Variants in ANKRD44 observed in about 807,000 individuals in gnomAD.
ANKRD44 encodes ankyrin repeat domain 44.
Under a neutral mutation model 116.0 loss-of-function variants are expected in ANKRD44, and 35 were observed. The observed-to-expected ratio is 0.30, with a 90% CI of 0.23 to 0.40. ANKRD44 has a LOEUF of 0.40. Ranked by LOEUF, ANKRD44 falls within the 10% of genes least tolerant of loss-of-function variation. The pLI is 1.00. For missense variants in ANKRD44, 1,014 were observed against 1,242.6 expected (o/e 0.82, Z 2.77); for synonymous variants, 435 against 461.8 (o/e 0.94, Z 0.74).
At chr2:197,196,566 A>C (rs1293337562) in intron 1 of ANKRD44, among the ~76,000 whole-genome samples, 1 of 152,252 alleles carries the variant, frequency 6.6e-6, no homozygotes, top group East Asian at 1.9e-4. Context: ...AAAAACAACA[A>C]CAAAATCAGC....
At chr2:196,985,963 A>G (rs2075833938), downstream of ANKRD44, among the ~76,000 whole-genome samples, 2 of 152,216 alleles carry the variant, frequency 1.3e-5, no homozygotes, top group Non-Finnish European at 1.5e-5. Context: ...TGACAATACC[A>G]AAGTTAGGCA....
chr2:197,231,605 T>C (rs1008157475), intron 1 of ANKRD44, among the ~76,000 whole-genome samples: 3 of 151,774 alleles, frequency 2.0e-5, no homozygotes, highest in Non-Finnish European at 4.4e-5. Flanking sequence ...TCTAAAGATA[T>C]CTTTGATTGT....
intron 1 of ANKRD44, chr2:197,199,016 C>G (rs906228249): frequency 1.3e-5 from 2 of 152,174 alleles, no homozygotes; most frequent in African/African-American, 4.8e-5. Flanking sequence ...ATGCAAGCTC[C>G]TTCTCTCTTG....
At chr2:197,252,499 C>T (rs1438688868) in intron 1 of ANKRD44, among the ~76,000 whole-genome samples, 2 of 152,086 alleles carry the variant, frequency 1.3e-5, no homozygotes, top group African/African-American at 2.4e-5. Context: ...CTCCGCCTCC[C>T]GGGTTCACGC....
At chr2:196,978,272 C>A (rs997964005) in intron 21 of ANKRD44, among the ~76,000 whole-genome samples, 4 of 131,858 alleles carry the variant, frequency 3.0e-5, no homozygotes, top group Non-Finnish European at 5.2e-5. Flanking sequence ...TCTCCCCTCT[C>A]TCTCCTGCTC....
intron 4 of ANKRD44, among the ~76,000 whole-genome samples, chr2:197,129,017 G>T (rs1179398998): frequency 6.6e-6 from 1 of 151,948 alleles, no homozygotes; most frequent in Non-Finnish European, 1.5e-5. Flanking sequence ...TTATCAAATT[G>T]CCCTAAAAGT....
At chr2:197,262,879 TG>T (rs5837537) in intron 1 of ANKRD44, among the ~76,000 whole-genome samples, 125,395 of 151,966 alleles carry the variant, frequency 0.83, 51,864 homozygotes, top group South Asian at 0.9. Context: ...CACTCCAGCC[TG>T]GGAAACACAG....
At chr2:197,086,589 G>T in intron 13 of ANKRD44, 91 bp downstream of exon 13, 1 of 1,280,994 alleles carries the variant, frequency 7.8e-7, no homozygotes, top group Non-Finnish European at 1.1e-6. Flanking sequence ...TAACTTCCCG[G>T]TTTACCATTT....
rs775432519 is a variant in ANKRD44, at chr2:197,122,660, A to G, written c.683T>C (p.Leu228Pro). Residue 228 changes from leucine to proline, a missense_variant, in exon 7 of 28, where the codon CTG becomes CCG. By Grantham distance (98) the Leu-to-Pro change is moderately conservative (BLOSUM62 -3). Coordinates refer to ENST00000282272, the MANE Select transcript of ANKRD44 (RefSeq NM_001195144.2). The stretch of plus-strand genomic sequence containing the variant: ...TTCATCATAGCTCACCTCCACCCCC[A>G]GGTTCAGGAGATGCTTGACAACATT... The part of the protein sequence containing the change: ...QINVVKHLLN[L>P]GVEIDEINVY... The G allele has an allele frequency of 6.2e-7, 1 of 1,613,814 alleles. No homozygotes were observed. The highest frequency in any genetic ancestry group is 2.2e-5 in the East Asian group (1 of 44,882).
intron 1 of ANKRD44, among the ~76,000 whole-genome samples, chr2:197,213,251 G>A (rs1359314603): frequency 6.6e-6 from 1 of 152,202 alleles, no homozygotes; most frequent in East Asian, 1.9e-4. Flanking sequence ...AGTTCTCAAA[G>A]GAGAGCATTA....
chr2:197,182,183 G>A (rs2080523495), intron 2 of ANKRD44, among the ~76,000 whole-genome samples: 1 of 152,190 alleles, frequency 6.6e-6, no homozygotes, highest in African/African-American at 2.4e-5. Context: ...GTCAGGTGGA[G>A]GCTTCTAAAA....
rs551947471 is a variant in ANKRD44, at chr2:197,064,767, T to A, written c.1650+13936A>T. On this transcript the variant is annotated intron_variant, in intron 16 of 27. Transcript: ENST00000282272. The stretch of plus-strand genomic sequence containing the variant: ...AGAAGAGCTAACTATCCTAAATATA[T>A]ATGCACCCAATACAGGAGCACCCAG... 6.6e-5 allele frequency among the ~76,000 whole-genome samples: 10 copies of A among 152,262 alleles called. No homozygotes were observed. The South Asian group carries it at 2.1e-3, about 32-fold the overall frequency.
intron 8 of ANKRD44, among the ~76,000 whole-genome samples, chr2:197,115,814 T>C (rs2078694771): frequency 6.6e-6 from 1 of 152,192 alleles, no homozygotes; most frequent in Non-Finnish European, 1.5e-5. Flanking sequence ...ATGGAAATGT[T>C]AGATGATCCG....
intron 1 of ANKRD44, among the ~76,000 whole-genome samples, chr2:197,265,968 A>G (rs1212989569): frequency 6.6e-6 from 1 of 152,184 alleles, no homozygotes; most frequent in African/African-American, 2.4e-5. Flanking sequence ...TGTAAAGCAT[A>G]TGACATAGCC....
chr2:197,280,205 A>G (rs957931744), intron 1 of ANKRD44, among the ~76,000 whole-genome samples: 8 of 152,204 alleles, frequency 5.3e-5, no homozygotes, highest in Admixed American at 2.0e-4. Context: ...CCCCGGGGCC[A>G]TGTGCAGTCT....
intron 7 of ANKRD44, 69 bp downstream of exon 7, chr2:197,122,580 AT>A (rs1371353470): frequency 1.8e-5 from 27 of 1,542,498 alleles, no homozygotes; most frequent in Non-Finnish European, 2.3e-5. Context: ...TGCAAACAGG[AT>A]TTAACTTTAG....
At chr2:197,079,270 A>T (rs1399694613) in intron 15 of ANKRD44, among the ~76,000 whole-genome samples, 4 of 152,148 alleles carry the variant, frequency 2.6e-5, no homozygotes, top group African/African-American at 9.7e-5. Flanking sequence ...TAGAAAATGA[A>T]AGTTAAAAAG....
intron 16 of ANKRD44, among the ~76,000 whole-genome samples, chr2:197,039,684 T>C (rs1428395585): frequency 0.01 from 67 of 6,566 alleles, no homozygotes; most frequent in East Asian, 0.066. Flanking sequence ...TGTGTGCGTG[T>C]GTGTGTGTGT....
intron 8 of ANKRD44, among the ~76,000 whole-genome samples, chr2:197,113,544 T>C (rs555661015): frequency 6.6e-6 from 1 of 152,356 alleles, no homozygotes; most frequent in South Asian, 2.1e-4. Flanking sequence ...TAAGCAATTT[T>C]CCATGTCTAT....
Sources: gnomAD v4.1 joint callset for allele counts (sites outside exome capture counted in the v4.1 genomes callset) on GRCh38, gnomAD v4.1.1 for gene constraint, MANE v1.5 for transcripts, NCBI Gene and HGNC (gene_info 2026-07-23, HGNC 2026-07-21) for gene names.